The following SLC4A4 variants were observed in gnomAD, a reference collection of about 807,000 sequenced individuals.
SLC4A4 encodes solute carrier family 4 member 4.
A neutral mutation model predicts 111.5 loss-of-function variants in SLC4A4; 27 were observed. The ratio of observed to expected loss-of-function variants is 0.24; its 90% CI spans 0.18 to 0.33. SLC4A4 has a LOEUF of 0.33. Ranked by LOEUF, SLC4A4 falls within the 10% of genes least tolerant of loss-of-function variation. The pLI, the probability that SLC4A4 is intolerant of heterozygous loss-of-function variation, is 1.00. For missense variants in SLC4A4, 909 were observed against 1,315.5 expected (o/e 0.69, Z 4.78); for synonymous variants, 443 against 463.4 (o/e 0.96, Z 0.57).
chr4:71,171,578 G>A (rs1190678376), intron 2 of SLC4A4, among the ~76,000 whole-genome samples: 4 of 152,222 alleles, frequency 2.6e-5, no homozygotes, highest in Non-Finnish European at 5.9e-5. Flanking sequence ...ATGATTGAAT[G>A]CAGCATTGAA....
chr4:71,224,191 C>T (rs181698720), intron 1 of SLC4A4, among the ~76,000 whole-genome samples: 92 of 152,264 alleles, frequency 6.0e-4, no homozygotes, highest in Non-Finnish European at 1.2e-3. Flanking sequence ...TGAGCCTGAT[C>T]CTCTCAGTCC....
chr4:71,086,343 T>C (rs1014516557), intron 1 of SLC4A4, among the ~76,000 whole-genome samples: 6 of 151,888 alleles, frequency 4.0e-5, no homozygotes, highest in Non-Finnish European at 7.3e-5. Flanking sequence ...AATCATGTCA[T>C]CTGCAAACAG....
intron 2 of SLC4A4, among the ~76,000 whole-genome samples, chr4:71,163,309 C>T (rs1744657603): frequency 1.3e-5 from 2 of 152,080 alleles, no homozygotes; most frequent in African/African-American, 4.8e-5. Flanking sequence ...GGAGTGTGCC[C>T]CAAATCAGCC....
chr4:71,504,776 A>G (rs569740256), intron 16 of SLC4A4, among the ~76,000 whole-genome samples: 7 of 151,844 alleles, frequency 4.6e-5, no homozygotes, highest in Admixed American at 3.3e-4. Flanking sequence ...GGTTTGTTAC[A>G]TAGGTAAATT....
chr4:71,497,579 A>G lies in SLC4A4; in HGVS notation c.2053A>G (p.Asn685Asp). The G allele has an allele frequency of 6.2e-7, 1 of 1,613,636 alleles. No individual in the cohort carries two copies. Among genetic ancestry groups the G allele is most frequent in the South Asian group, 1.1e-5 (1 of 91,070 alleles). Residue 685 changes from asparagine (N) to aspartate (D), a missense_variant, in exon 16 of 26, where the codon AAC becomes GAC. Physicochemically the swap from Asn to Asp is conservative, Grantham distance 23. Transcript: ENST00000264485. The part of the protein sequence containing the change: ...SKYGGNLVGN[N>D]CNFVPDITLM... ...ATACGGAGGAAACCTCGTCGGGAAC[A>G]ACTGTAATTTTGTTCCTGATATCAC... is the stretch of plus-strand genomic sequence containing the variant.
intron 20 of SLC4A4, among the ~76,000 whole-genome samples, chr4:71,553,715 A>T (rs1736232303): frequency 6.6e-6 from 1 of 151,794 alleles, no homozygotes; most frequent in African/African-American, 2.4e-5. Context: ...ATTTATACAC[A>T]AGAATCACAA....
intron 12 of SLC4A4, among the ~76,000 whole-genome samples, chr4:71,462,166 G>A (rs1192367844): frequency 6.6e-6 from 1 of 152,154 alleles, no homozygotes; most frequent in African/African-American, 2.4e-5. Flanking sequence ...ATCAACATTA[G>A]ATTGTATCTC....
chr4:71,507,053 T>G (rs1309653205), intron 16 of SLC4A4, among the ~76,000 whole-genome samples: 1 of 152,118 alleles, frequency 6.6e-6, no homozygotes, highest in Non-Finnish European at 1.5e-5. Context: ...CTGAGGAAAT[T>G]CGTCATGACC....
chr4:71,238,504 G>A (rs553422297), intron 2 of SLC4A4, among the ~76,000 whole-genome samples: 42 of 152,244 alleles, frequency 2.8e-4, no homozygotes, highest in Non-Finnish European at 5.1e-4. Flanking sequence ...TGATTAAACC[G>A]TCCAAATGGA....
chr4:71,546,725 C>A (rs541179592), intron 19 of SLC4A4, among the ~76,000 whole-genome samples, 197 bp downstream of exon 19: 1 of 152,050 alleles, frequency 6.6e-6, no homozygotes, highest in South Asian at 2.1e-4. Flanking sequence ...CATGATATAT[C>A]ATTTTCATGG....
chr4:71,261,896 C>A (rs1489010864), intron 3 of SLC4A4, among the ~76,000 whole-genome samples: 1 of 152,076 alleles, frequency 6.6e-6, no homozygotes, highest in South Asian at 2.1e-4. Context: ...GTGTACTCCA[C>A]GTGCTGGGGT....
intron 2 of SLC4A4, among the ~76,000 whole-genome samples, chr4:71,140,396 G>A (rs1347427398): frequency 1.3e-5 from 2 of 152,158 alleles, no homozygotes; most frequent in African/African-American, 4.8e-5. Flanking sequence ...ACTCTAGCCT[G>A]AGCGACAAAA....
chr4:71,349,809 T>G, intron 4 of SLC4A4, 103 bp from the exon 5 acceptor site: 3 of 1,043,918 alleles, frequency 2.9e-6, no homozygotes, highest in Non-Finnish European at 4.5e-6. Flanking sequence ...AAAAGAGACA[T>G]TTTGGAAGTG....
At chr4:71,144,569 C>T (rs1744109311) in intron 2 of SLC4A4, among the ~76,000 whole-genome samples, 1 of 151,690 alleles carries the variant, frequency 6.6e-6, no homozygotes, top group Non-Finnish European at 1.5e-5. Flanking sequence ...TTGATTCTTC[C>T]TACCCATGAG....
chr4:71,340,973 G>A (rs905634452), intron 4 of SLC4A4, among the ~76,000 whole-genome samples: 9 of 152,140 alleles, frequency 5.9e-5, no homozygotes, highest in African/African-American at 2.2e-4. Context: ...TATTCTCCAG[G>A]TGAATCTTCT....
intron 1 of SLC4A4, among the ~76,000 whole-genome samples, chr4:71,231,513 T>C (rs1719422187): frequency 6.6e-6 from 1 of 152,178 alleles, no homozygotes; most frequent in African/African-American, 2.4e-5. Context: ...TAACAGAGAA[T>C]AAGAAAAACC....
intron 1 of SLC4A4, among the ~76,000 whole-genome samples, chr4:71,215,857 G>A (rs916579250): frequency 3.0e-4 from 45 of 150,994 alleles, no homozygotes; most frequent in African/African-American, 8.3e-4. Flanking sequence ...TTGTTTTACC[G>A]AACAAAATAA....
intron 3 of SLC4A4, among the ~76,000 whole-genome samples, chr4:71,289,352 C>G (rs1724150309): frequency 6.6e-6 from 1 of 152,148 alleles, no homozygotes; most frequent in African/African-American, 2.4e-5. Flanking sequence ...AGAATTATGA[C>G]ATTGTCCAGC....
intron 2 of SLC4A4, among the ~76,000 whole-genome samples, chr4:71,103,443 T>C (rs900314560): frequency 4.7e-4 from 71 of 152,102 alleles, no homozygotes; most frequent in Non-Finnish European, 8.2e-4. Flanking sequence ...TACAGAACTC[T>C]CCACCCCAAA....
Sources: allele counts gnomAD v4.1 joint callset (sites outside exome capture counted in the v4.1 genomes callset), GRCh38; gene constraint gnomAD v4.1.1; transcripts MANE v1.5; gene names NCBI Gene and HGNC (gene_info 2026-07-23, HGNC 2026-07-21).